RILPL1: variants seen among roughly 807,000 people sequenced by gnomAD.
RILPL1 encodes RILP-like protein 1.
Under a neutral mutation model 50.3 loss-of-function variants are expected in RILPL1, and 33 were observed. That is an observed-to-expected ratio of 0.66 (90% CI 0.50 to 0.88). The LOEUF (loss-of-function observed/expected upper bound fraction) is 0.88, where lower values mean the gene tolerates loss of function less well. RILPL1 is among the 40% of genes least tolerant of loss of function. RILPL1 has a pLI of 0.00. For missense variants in RILPL1, 418 were observed against 542.5 expected (o/e 0.77, Z 2.28); for synonymous variants, 205 against 228.6 (o/e 0.90, Z 0.93).
At chr12:123,509,432 G>A (rs977165514) in intron 2 of RILPL1, among the ~76,000 whole-genome samples, 8 of 151,618 alleles carry the variant, frequency 5.3e-5, no homozygotes, top group African/African-American at 1.2e-4. Context: ...GCATGGTGGC[G>A]CATGCCTGTA....
intron 2 of RILPL1, among the ~76,000 whole-genome samples, chr12:123,504,163 G>A (rs150968337): frequency 2.6e-4 from 40 of 152,286 alleles, no homozygotes; most frequent in Middle Eastern, 3.4e-3. Flanking sequence ...CACCTGCTCC[G>A]TGAAGCCTGG....
At chr12:123,517,204 G>A (rs13303217) in intron 2 of RILPL1, among the ~76,000 whole-genome samples, 25,439 of 152,138 alleles carry the variant, frequency 0.17, 2,350 homozygotes, top group Middle Eastern at 0.24. Context: ...TGAGGATGCC[G>A]ACAGCCCCCA....
intron 4 of RILPL1, among the ~76,000 whole-genome samples, chr12:123,497,721 T>A (rs1187170197): frequency 2.0e-5 from 3 of 152,004 alleles, no homozygotes; most frequent in Non-Finnish European, 4.4e-5. Flanking sequence ...TTTAAAGAAT[T>A]TTTTGTAGAG....
chr12:123,512,099 C>CTGTG (rs1566136747), intron 2 of RILPL1, among the ~76,000 whole-genome samples: 1 of 41,872 alleles, frequency 2.4e-5, no homozygotes, highest in Non-Finnish European at 4.6e-5. Context: ...TGTGTGAGGT[C>CTGTG]TGTGTGTGGT....
chr12:123,524,416 C>A (rs1426671724), intron 1 of RILPL1, among the ~76,000 whole-genome samples: 1 of 152,112 alleles, frequency 6.6e-6, no homozygotes, highest in East Asian at 1.9e-4. Context: ...ACCATAGGAC[C>A]CAGCAACTCC....
intron 1 of RILPL1, among the ~76,000 whole-genome samples, chr12:123,531,473 G>A (rs555010111): frequency 6.6e-6 from 1 of 152,158 alleles, no homozygotes; most frequent in African/African-American, 2.4e-5. Context: ...GTTAATAAGA[G>A]GCGCCACACG....
At chr12:123,488,987 C>T (rs1882522237) in intron 4 of RILPL1, among the ~76,000 whole-genome samples, 1 of 152,198 alleles carries the variant, frequency 6.6e-6, no homozygotes, top group Non-Finnish European at 1.5e-5. Flanking sequence ...TGCTCCGGAA[C>T]CACCCGGCAG....
At chr12:123,499,885 C>G (rs1484685547) in intron 2 of RILPL1, among the ~76,000 whole-genome samples, 2 of 152,086 alleles carry the variant, frequency 1.3e-5, no homozygotes, top group Non-Finnish European at 2.9e-5. Flanking sequence ...TCTACCTCCC[C>G]CACACCTCAT....
intron 2 of RILPL1, among the ~76,000 whole-genome samples, chr12:123,510,100 T>G (rs1356337294): frequency 1.3e-5 from 2 of 152,190 alleles, no homozygotes; most frequent in African/African-American, 4.8e-5. Context: ...CTGCGTCCAC[T>G]TTCTCTAAGC....
chr12:123,496,737 C>T (rs1374169067), intron 4 of RILPL1, among the ~76,000 whole-genome samples: 1 of 152,252 alleles, frequency 6.6e-6, no homozygotes, highest in African/African-American at 2.4e-5. Flanking sequence ...GTGTTCCTGG[C>T]ACAGTCTGGG....
Position 123,500,172 on chromosome 12 carries a change from C to T in RILPL1, c.461-636G>A, listed in dbSNP as rs542868173. On this transcript the variant is annotated intron_variant, in intron 2 of 6. Coordinates refer to ENST00000376874, the MANE Select transcript of RILPL1 (RefSeq NM_178314.5). Reference sequence around the variant, plus strand: ...GTCTCGATCTCCTGACCTCGTGATCCGCCCGCCTCGGCCTCCCAAAGTGCT... The same window carrying T: ...GTCTCGATCTCCTGACCTCGTGATCTGCCCGCCTCGGCCTCCCAAAGTGCT... Among the ~76,000 whole-genome samples the T allele has an allele frequency of 3.4e-3, 510 of 151,902 alleles. 4 individuals carry two copies. Among genetic ancestry groups the T allele is most frequent in the African/African-American group, 0.011 (462 of 41,468 alleles).
intron 2 of RILPL1, among the ~76,000 whole-genome samples, chr12:123,511,082 CTGTGTGTGGTGTGTGTGT>C (rs1884124694): frequency 2.9e-5 from 2 of 68,858 alleles, no homozygotes; most frequent in African/African-American, 6.1e-5. Context: ...TGTGTGAGGT[CTGTGTGTGGTGTGTGTGT>C]TAGGTCTGTG....
chr12:123,475,866 A>C, intron 6 of RILPL1: 1 of 617,728 alleles, frequency 1.6e-6, no homozygotes, highest in Non-Finnish European at 2.9e-6. Context: ...TAGCGGTTGA[A>C]TTGTGTCACC....
At chr12:123,521,607 A>G (rs1885027992) in intron 2 of RILPL1, among the ~76,000 whole-genome samples, 1 of 10,348 alleles carries the variant, frequency 9.7e-5, no homozygotes, top group African/African-American at 2.3e-4. Context: ...TAATATATAT[A>G]CACACATATG....
intron 6 of RILPL1, chr12:123,475,618 C>T (rs749200027): frequency 4.6e-6 from 6 of 1,307,718 alleles, no homozygotes; most frequent in South Asian, 2.5e-5. Context: ...GCAGACATTC[C>T]AAGGGGGCAG....
At chr12:123,484,887 G>C (rs1369710649) in intron 5 of RILPL1, 1 of 260,134 alleles carries the variant, frequency 3.8e-6, no homozygotes, top group Non-Finnish European at 7.9e-6. Flanking sequence ...TTCGAGTCCT[G>C]GGTTCAAGTG....
Position 123,499,450 on chromosome 12 carries a change from C to G in RILPL1, c.547G>C (p.Glu183Gln). The G allele has an allele frequency of 3.7e-6, 6 of 1,613,964 alleles. No individual in the cohort carries two copies. The highest frequency in any genetic ancestry group is 5.1e-6 in the Non-Finnish European group (6 of 1,179,868). ...QRDEIRAKDR[E>Q]LGLKNEDVEA... ...ACGTCCTCATTTTTCAGGCCCAGCT[C>G]CCTGTCCTTGGCGCGGATCTCGTCG... The change falls in exon 3 of 7, where the codon GAG (glutamate) becomes CAG (glutamine). Residue 183 changes from glutamate to glutamine, a missense_variant. Coordinates refer to ENST00000376874, the MANE Select transcript of RILPL1 (RefSeq NM_178314.5).
intron 2 of RILPL1, among the ~76,000 whole-genome samples, chr12:123,517,250 G>A (rs996485787): frequency 3.3e-5 from 5 of 152,120 alleles, no homozygotes; most frequent in African/African-American, 1.2e-4. Flanking sequence ...AGGCGCTGGA[G>A]GGAGCATGGC....
At chr12:123,511,407 T>TA (rs1884185482) in intron 2 of RILPL1, among the ~76,000 whole-genome samples, 1 of 147,074 alleles carries the variant, frequency 6.8e-6, no homozygotes, top group Admixed American at 6.8e-5. Context: ...GGTCTGTGTG[T>TA]GTGAGGTCTG....
Sources: gnomAD v4.1 joint callset for allele counts (sites outside exome capture counted in the v4.1 genomes callset) on GRCh38, gnomAD v4.1.1 for gene constraint, MANE v1.5 for transcripts, NCBI Gene and HGNC (gene_info 2026-07-23, HGNC 2026-07-21) for gene names.